The following CD38 variants were observed in gnomAD, a reference collection of about 807,000 sequenced individuals.
CD38 encodes ADP-ribosyl cyclase/cyclic ADP-ribose hydrolase 1.
A neutral mutation model predicts 36.3 loss-of-function variants in CD38; 31 were observed. The observed-to-expected ratio is 0.85, with a 90% CI of 0.64 to 1.15. The LOEUF (loss-of-function observed/expected upper bound fraction) is 1.15. CD38 is among the 50% of genes most tolerant of loss of function. The pLI is 0.00. For synonymous variants in CD38, 131 were observed against 135.2 expected (o/e 0.97, Z 0.22); for missense variants, 380 against 371.9 (o/e 1.02, Z -0.18).
At chr4:15,806,670 C>G (rs183286157) in intron 1 of CD38, among the ~76,000 whole-genome samples, 2 of 152,124 alleles carry the variant, frequency 1.3e-5, no homozygotes, top group Admixed American at 1.3e-4. Context: ...GAGGTGAACT[C>G]GACGGAATGA....
At chr4:15,817,077 AC>A (rs1318276666) in intron 2 of CD38, among the ~76,000 whole-genome samples, 1 of 152,160 alleles carries the variant, frequency 6.6e-6, no homozygotes, top group African/African-American at 2.4e-5. Flanking sequence ...CCTAATCCTT[AC>A]TTTCTTAGGC....
intron 1 of CD38, among the ~76,000 whole-genome samples, chr4:15,806,258 C>G (rs994587371): frequency 6.6e-6 from 1 of 152,164 alleles, no homozygotes; most frequent in African/African-American, 2.4e-5. Context: ...TGGTCCTGAC[C>G]CTTTTGTACC....
chr4:15,814,963 C>T (rs895957938), intron 1 of CD38, among the ~76,000 whole-genome samples: 2 of 151,872 alleles, frequency 1.3e-5, no homozygotes, highest in African/African-American at 2.4e-5. Flanking sequence ...TGTATCACCG[C>T]GCCTGGCTAA....
At chr4:15,848,253 C>G (rs977997947) in intron 7 of CD38, among the ~76,000 whole-genome samples, 4 of 152,106 alleles carry the variant, frequency 2.6e-5, no homozygotes, top group African/African-American at 9.7e-5. Flanking sequence ...TGCCTCTGAC[C>G]CTGGATTCAA....
intron 1 of CD38, among the ~76,000 whole-genome samples, chr4:15,782,802 C>T (rs1380125396): frequency 2.6e-5 from 4 of 152,174 alleles, no homozygotes; most frequent in Admixed American, 2.0e-4. Flanking sequence ...TTGTCCTTTT[C>T]CAAACATCTC....
intron 1 of CD38, among the ~76,000 whole-genome samples, chr4:15,802,096 A>C (rs1478338389): frequency 6.6e-6 from 1 of 152,200 alleles, no homozygotes; most frequent in Non-Finnish European, 1.5e-5. Context: ...AATTCAGTAA[A>C]GTTGTGAGAT....
chr4:15,785,387 T>A (rs1254566992), intron 1 of CD38, among the ~76,000 whole-genome samples: 2 of 152,116 alleles, frequency 1.3e-5, no homozygotes, highest in Admixed American at 6.5e-5. Context: ...AGATACCTAT[T>A]TCTATACCTT....
In CD38 at chr4:15,848,601, G is replaced by C. The variant is rs1375207104; in HGVS notation, c.902G>C (p.Ter301SerextTer20). ...PEDSSCTSEI* is the reference protein window; with the variant it reads ...PEDSSCTSEIS Reference sequence around the variant, plus strand: ...GATTCATCTTGCACATCTGAGATCTGAGCCAGTCGCTGTGGTTGTTTTAGC... The same window carrying C: ...GATTCATCTTGCACATCTGAGATCTCAGCCAGTCGCTGTGGTTGTTTTAGC... The change falls in exon 8 of 8, where the codon TGA becomes TCA. Residue 301 changes from the stop codon to serine (S), a stop_lost. Transcript: ENST00000226279. 2 of 1,612,980 alleles carry C rather than the reference G, an allele frequency of 1.2e-6. No homozygotes were observed. The highest frequency in any genetic ancestry group is 1.3e-5 in the African/African-American group (1 of 74,864).
chr4:15,825,120 C>A, intron 3 of CD38, 104 bp downstream of exon 3: 2 of 1,156,500 alleles, frequency 1.7e-6, no homozygotes, highest in Non-Finnish European at 2.5e-6. Flanking sequence ...GAGCCACAGG[C>A]ACCCATCCTG....
chr4:15,818,952 C>T (rs767400821), intron 2 of CD38, among the ~76,000 whole-genome samples: 10 of 152,160 alleles, frequency 6.6e-5, no homozygotes, highest in Non-Finnish European at 1.5e-4. Flanking sequence ...GCCTCTTCTC[C>T]TCCAGATGAT....
rs1368781612 is a variant in CD38 at position 15,850,015 on chromosome 4, A to G, written c.*1413A>G. On this transcript the variant is annotated 3_prime_UTR_variant, in exon 8 of 8. Transcript: ENST00000226279. ...ACATCTGGAGATTTTCTAGTTTTGAAAAAAACATAAGCCAGGCATGGTGGC... is the reference window on the plus strand; with the variant it reads ...ACATCTGGAGATTTTCTAGTTTTGAGAAAAACATAAGCCAGGCATGGTGGC... The G allele has an allele frequency of 2.0e-5, 3 of 152,218 alleles. No homozygotes were observed. Among genetic ancestry groups the G allele is most frequent in the Non-Finnish European group, 4.4e-5 (3 of 68,036 alleles). 9.4% of individuals were successfully genotyped at this position (152,218 alleles called of 1,614,324 possible). A position where few individuals can be genotyped will look rare whatever the true frequency, so the allele number is the denominator to read the frequency against.
intron 1 of CD38, among the ~76,000 whole-genome samples, chr4:15,805,124 AAAG>A (rs1723313808): frequency 1.3e-5 from 2 of 152,156 alleles, no homozygotes; most frequent in Non-Finnish European, 2.9e-5. Flanking sequence ...TATATTCTGA[AAAG>A]AAGTCCATTT....
chr4:15,822,917 C>CTGCACGATGGAGTTGGAG (rs1221499121), intron 2 of CD38, among the ~76,000 whole-genome samples: 5 of 152,182 alleles, frequency 3.3e-5, no homozygotes, highest in African/African-American at 7.2e-5. Flanking sequence ...CATCGTGCTA[C>CTGCACGATGGAGTTGGAG]CCAACTCCAA....
Position 15,851,310 on chromosome 4 carries a change from T to G in CD38, c.*2708T>G, listed in dbSNP as rs908276373. The G allele has an allele frequency of 3.3e-5, 5 of 152,210 alleles. No homozygotes were observed. The highest frequency in any genetic ancestry group is 1.2e-4 in the African/African-American group (5 of 41,440). The allele number at this position is 152,210 out of a possible 1,614,324, so 9.4% of individuals were successfully genotyped here. ...ATAAATACCCCCTCACAATATATAT[T>G]ACTTTTCCTATAAGTGACTTCTCTA... On this transcript the variant is annotated 3_prime_UTR_variant, in exon 8 of 8. Transcript: ENST00000226279.
chr4:15,848,728 G>T lies in CD38; in HGVS notation c.*126G>T. 1 of 635,734 alleles carries T rather than the reference G, an allele frequency of 1.6e-6. No homozygotes were observed. The highest frequency in any genetic ancestry group is 2.8e-6 in the Non-Finnish European group (1 of 360,016). 39.4% of individuals were successfully genotyped at this position (635,734 alleles called of 1,614,324 possible). On this transcript the variant is annotated 3_prime_UTR_variant, in exon 8 of 8. Transcript: ENST00000226279. ...GTCCTCCACAATAAGGTCAATGCCAGAGACGGAAGCCTTTTTCCCCAAAGT... is the reference window on the plus strand; with the variant it reads ...GTCCTCCACAATAAGGTCAATGCCATAGACGGAAGCCTTTTTCCCCAAAGT...
intron 1 of CD38, among the ~76,000 whole-genome samples, chr4:15,792,438 A>T (rs1197065455): frequency 1.4e-5 from 2 of 144,108 alleles, no homozygotes; most frequent in South Asian, 2.1e-4. Flanking sequence ...AAAATAAAAT[A>T]AAAAAAAGGA....
At chr4:15,785,769 T>C (rs1280257896) in intron 1 of CD38, among the ~76,000 whole-genome samples, 3 of 152,198 alleles carry the variant, frequency 2.0e-5, no homozygotes, top group Admixed American at 6.5e-5. Flanking sequence ...CACATCTTAG[T>C]GGGTCCGGAA....
At chr4:15,790,243 G>T (rs1001898514) in intron 1 of CD38, among the ~76,000 whole-genome samples, 2 of 150,380 alleles carry the variant, frequency 1.3e-5, no homozygotes, top group Admixed American at 6.7e-5. Flanking sequence ...GCCAAAGCTG[G>T]ACGGTACTGC....
intron 1 of CD38, among the ~76,000 whole-genome samples, chr4:15,784,852 T>C (rs1722776326): frequency 6.6e-6 from 1 of 152,046 alleles, no homozygotes; most frequent in Non-Finnish European, 1.5e-5. Context: ...GGTCAGGGGA[T>C]TGAGACCATC....
Sources: gnomAD v4.1 joint callset for allele counts (sites outside exome capture counted in the v4.1 genomes callset) on GRCh38, gnomAD v4.1.1 for gene constraint, MANE v1.5 for transcripts, NCBI Gene and HGNC (gene_info 2026-07-23, HGNC 2026-07-21) for gene names.